Variants in CSMD1 observed in about 807,000 individuals in gnomAD.
CSMD1 encodes the protein CUB and sushi domain-containing protein 1.
In CSMD1, 213 loss-of-function variants were observed where a neutral mutation model predicts 417.5. That is an observed-to-expected ratio of 0.51 (90% confidence interval 0.46 to 0.57). The LOEUF (loss-of-function observed/expected upper bound fraction) is 0.57, where lower values mean the gene tolerates loss of function less well. Among genes scored for constraint, CSMD1 ranks in the 20% least tolerant of loss-of-function variants. The probability of loss-of-function intolerance (pLI) is 0.00; values close to 1 mark genes in which losing one functional copy is unlikely to be tolerated. For synonymous variants in CSMD1, 2,862 were observed against 1,736.8 expected (o/e 1.65, Z -16.11); for missense variants, 6,923 against 4,529.7 (o/e 1.53, Z -15.17).
chr8:3,505,635 C>G (rs1796792604), intron 10 of CSMD1, among the ~76,000 whole-genome samples: 2 of 152,074 alleles, frequency 1.3e-5, no homozygotes, highest in South Asian at 2.1e-4. Context: ...TGAGGAAATA[C>G]AAATCAAAGT....
intron 5 of CSMD1, among the ~76,000 whole-genome samples, chr8:3,920,912 C>G (rs942105752): frequency 1.3e-5 from 2 of 152,226 alleles, no homozygotes; most frequent in East Asian, 1.9e-4. Flanking sequence ...ATTTTGATTA[C>G]AGACATTGGC....
At chr8:4,181,554 T>C (rs902019158) in intron 3 of CSMD1, among the ~76,000 whole-genome samples, 4 of 152,186 alleles carry the variant, frequency 2.6e-5, no homozygotes. Context: ...AATTTGTGTT[T>C]GGCCACATGC....
At chr8:4,108,706 T>G (rs1252988389) in intron 3 of CSMD1, among the ~76,000 whole-genome samples, 1 of 152,150 alleles carries the variant, frequency 6.6e-6, no homozygotes, top group African/African-American at 2.4e-5. Context: ...AGACAATACT[T>G]AAAATAAACG....
intron 3 of CSMD1, among the ~76,000 whole-genome samples, chr8:4,211,234 AC>A (rs1455790625): frequency 1.3e-5 from 2 of 151,862 alleles, no homozygotes; most frequent in Admixed American, 6.6e-5. Context: ...TAAATTAAGC[AC>A]CTCAGATAGG....
At position 3,406,327 on chromosome 8, in the gene CSMD1, T is replaced by C. The variant is rs1812339580; in HGVS notation, c.2072-106A>G. On this transcript the variant is annotated intron_variant, in intron 14 of 69. Transcript: ENST00000635120. ...AAGCTTATAAAGCATTCATATAATG[T>C]ATATAATTATATAAATTTCAGTTGT... is the stretch of plus-strand genomic sequence containing the variant. 3 of 783,318 alleles carry C rather than the reference T, an allele frequency of 3.8e-6. No individual in the cohort carries two copies. In the Admixed American group the frequency reaches 1.0e-4, roughly 26 times the overall value. The allele number at this position is 783,318 out of a possible 1,614,324, so 48.5% of individuals were successfully genotyped here.
At chr8:4,989,726 G>A (rs1316377303) in intron 1 of CSMD1, among the ~76,000 whole-genome samples, 3 of 152,150 alleles carry the variant, frequency 2.0e-5, no homozygotes, top group African/African-American at 7.2e-5. Context: ...AAAATTCAGC[G>A]CAATAGAGAG....
At chr8:3,429,150 C>T (rs966145838) in intron 12 of CSMD1, among the ~76,000 whole-genome samples, 1 of 152,104 alleles carries the variant, frequency 6.6e-6, no homozygotes, top group Non-Finnish European at 1.5e-5. Flanking sequence ...AACAATATTG[C>T]ATGGTATATT....
intron 5 of CSMD1, among the ~76,000 whole-genome samples, chr8:3,796,757 C>G (rs1800177628): frequency 6.6e-6 from 1 of 150,994 alleles, no homozygotes; most frequent in Non-Finnish European, 1.5e-5. Context: ...TGCAATTATA[C>G]AAAATATTCT....
chr8:4,889,931 T>C (rs758373226), intron 1 of CSMD1, among the ~76,000 whole-genome samples: 3 of 152,138 alleles, frequency 2.0e-5, no homozygotes, highest in Non-Finnish European at 4.4e-5. Flanking sequence ...AATGTGGTCC[T>C]CTTTACAGCC....
chr8:3,312,954 A>C (rs145743948), intron 23 of CSMD1, among the ~76,000 whole-genome samples: 1 of 152,206 alleles, frequency 6.6e-6, no homozygotes, highest in Admixed American at 6.5e-5. Context: ...TGTGTGTTTA[A>C]AGACTAGAAT....
chr8:4,717,422 AT>A (rs1808740380), intron 1 of CSMD1, among the ~76,000 whole-genome samples: 1 of 150,992 alleles, frequency 6.6e-6, no homozygotes, highest in Non-Finnish European at 1.5e-5. Context: ...CACACACTAT[AT>A]ATATACACAT....
intron 3 of CSMD1, among the ~76,000 whole-genome samples, chr8:4,361,100 C>G (rs902060646): frequency 7.9e-5 from 12 of 152,138 alleles, no homozygotes; most frequent in Non-Finnish European, 1.3e-4. Flanking sequence ...ATGCTACACA[C>G]TGTGTGGATG....
intron 52 of CSMD1, among the ~76,000 whole-genome samples, chr8:3,011,309 G>C (rs1808365854): frequency 6.6e-6 from 1 of 152,092 alleles, no homozygotes; most frequent in South Asian, 2.1e-4. Context: ...TTACACTTAA[G>C]ACGGTATGGC....
intron 26 of CSMD1, among the ~76,000 whole-genome samples, chr8:3,253,916 TATG>T (rs1800458214): frequency 6.6e-6 from 1 of 152,200 alleles, no homozygotes; most frequent in African/African-American, 2.4e-5. Context: ...ATCCTGTCAT[TATG>T]ATGTTAGCTG....
At chr8:4,935,852 G>A (rs141846568) in intron 1 of CSMD1, among the ~76,000 whole-genome samples, 11 of 152,156 alleles carry the variant, frequency 7.2e-5, no homozygotes, top group African/African-American at 2.7e-4. Context: ...AGATTCAAAC[G>A]TCTTCACATG....
intron 1 of CSMD1, among the ~76,000 whole-genome samples, chr8:4,925,087 A>G (rs1052225271): frequency 6.6e-6 from 1 of 152,162 alleles, no homozygotes; most frequent in Non-Finnish European, 1.5e-5. Flanking sequence ...ATATTTGAAT[A>G]TATTATGACA....
At chr8:4,003,011 GTATAAAAATAA>G (rs1459929529) in intron 4 of CSMD1, among the ~76,000 whole-genome samples, 7 of 110,426 alleles carry the variant, frequency 6.3e-5, no homozygotes, top group Non-Finnish European at 1.3e-4. Flanking sequence ...CAAAATAAAT[GTATAAAAATAA>G]AAACAACACA....
chr8:3,635,829 A>AAAG (rs1345325396), intron 7 of CSMD1, among the ~76,000 whole-genome samples: 27 of 148,046 alleles, frequency 1.8e-4, no homozygotes, highest in African/African-American at 6.4e-4. Context: ...AGAAAGAAAG[A>AAAG]AAAAAAAAAT....
chr8:3,557,455 T>C (rs1237885138), intron 10 of CSMD1, among the ~76,000 whole-genome samples: 1 of 152,240 alleles, frequency 6.6e-6, no homozygotes, highest in Non-Finnish European at 1.5e-5. Flanking sequence ...AAAGAGGTTT[T>C]AGACATAGGC....
Sources: gnomAD v4.1 joint callset for allele counts (sites outside exome capture counted in the v4.1 genomes callset) on GRCh38, gnomAD v4.1.1 for gene constraint, MANE v1.5 for transcripts, NCBI Gene and HGNC (gene_info 2026-07-23, HGNC 2026-07-21) for gene names.